Variants in IGSF11 observed in about 807,000 individuals in gnomAD.
IGSF11 encodes immunoglobulin superfamily member 11.
A neutral mutation model predicts 41.0 loss-of-function variants in IGSF11; 22 were observed. The observed-to-expected ratio is 0.54, with a 90% CI of 0.38 to 0.77. IGSF11 has a LOEUF of 0.77. Ranked by LOEUF, IGSF11 falls within the 30% of genes least tolerant of loss-of-function variation. IGSF11 has a pLI of 0.00. For synonymous variants in IGSF11, 219 were observed against 201.3 expected (o/e 1.09, Z -0.74); for missense variants, 444 against 530.8 (o/e 0.84, Z 1.61).
intron 4 of IGSF11, among the ~76,000 whole-genome samples, chr3:118,920,154 A>C (rs1277134544): frequency 1.4e-5 from 2 of 147,492 alleles, no homozygotes; most frequent in Non-Finnish European, 3.0e-5. Flanking sequence ...AGATATACCT[A>C]AGGCTAGATG....
chr3:118,912,675 A>G (rs1263925424), intron 4 of IGSF11, among the ~76,000 whole-genome samples: 1 of 152,224 alleles, frequency 6.6e-6, no homozygotes, highest in Non-Finnish European at 1.5e-5. Context: ...CAGGAAAGGA[A>G]TATCACCATG....
At chr3:119,073,492 G>A (rs904396606) in intron 1 of IGSF11, among the ~76,000 whole-genome samples, 1 of 152,206 alleles carries the variant, frequency 6.6e-6, no homozygotes, top group Admixed American at 6.5e-5. Flanking sequence ...GGCCGCATGG[G>A]AGCCCACCGT....
At chr3:119,064,506 C>T (rs1301469266) in intron 1 of IGSF11, among the ~76,000 whole-genome samples, 2 of 139,570 alleles carry the variant, frequency 1.4e-5, no homozygotes, top group African/African-American at 5.3e-5. Flanking sequence ...ATTGCCTTGG[C>T]TGCTCTTTTT....
At chr3:119,111,333 C>G (rs1019753485) in intron 1 of IGSF11, among the ~76,000 whole-genome samples, 2 of 152,156 alleles carry the variant, frequency 1.3e-5, no homozygotes, top group Non-Finnish European at 2.9e-5. Flanking sequence ...TGCTTCATTT[C>G]ATTCATTTCA....
intron 1 of IGSF11, among the ~76,000 whole-genome samples, chr3:119,001,944 G>C (rs1259951237): frequency 1.5e-5 from 2 of 136,848 alleles, no homozygotes; most frequent in South Asian, 5.0e-4. Flanking sequence ...GTGTGCATGT[G>C]TCTTTATAGC....
chr3:118,951,345 GC>G (rs993396206), intron 1 of IGSF11, among the ~76,000 whole-genome samples: 41 of 152,196 alleles, frequency 2.7e-4, no homozygotes, highest in African/African-American at 9.6e-4. Context: ...TAGTATTTTG[GC>G]TTTTAATCTA....
rs973903174 is a variant in IGSF11 at position 119,115,219 on chromosome 3, C to T, written c.-13-10014G>A. On this transcript the variant is annotated intron_variant, in intron 1 of 7. Transcript: ENST00000425327. ...TGCTGCAATAAACATGAAAGTGCAG[C>T]TATCTCTTTGATACATTGGGTTTCC... 2.6e-5 allele frequency among the ~76,000 whole-genome samples: 4 copies of T among 152,316 alleles called. No individual in the cohort carries two copies. The South Asian group carries it at 8.3e-4, about 32-fold the overall frequency.
rs374648442 is a variant in IGSF11 at position 119,126,860 on chromosome 3, C to T, written c.-14+18953G>A. On this transcript the variant is annotated intron_variant, in intron 1 of 7. Coordinates refer to the IGSF11 transcript ENST00000425327. ...AACAACAACAACAAAAAGGCATCTACAAAAACCCCATCCAAGGGTCAGCAG... is the reference window on the plus strand; with the variant it reads ...AACAACAACAACAAAAAGGCATCTATAAAAACCCCATCCAAGGGTCAGCAG... Among the ~76,000 whole-genome samples, 12 of 152,092 alleles carry T rather than the reference C, an allele frequency of 7.9e-5. No individual in the cohort carries two copies. In the South Asian group the frequency reaches 1.5e-3, roughly 18 times the overall value.
At chr3:119,008,233 G>T (rs1937646461) in intron 1 of IGSF11, among the ~76,000 whole-genome samples, 2 of 151,896 alleles carry the variant, frequency 1.3e-5, no homozygotes, top group Non-Finnish European at 2.9e-5. Flanking sequence ...AAAAGAAAAA[G>T]CCACATTTGT....
At chr3:119,126,429 C>T (rs1209513254) in intron 1 of IGSF11, among the ~76,000 whole-genome samples, 2 of 152,234 alleles carry the variant, frequency 1.3e-5, no homozygotes, top group Non-Finnish European at 2.9e-5. Context: ...GACCAGCAAA[C>T]TTAGCTGATC....
At chr3:119,123,616 G>C (rs1178265359) in intron 1 of IGSF11, among the ~76,000 whole-genome samples, 1 of 152,138 alleles carries the variant, frequency 6.6e-6, no homozygotes, top group East Asian at 1.9e-4. Flanking sequence ...TGGCCACAGG[G>C]CTGCTTCTGT....
At chr3:119,034,382 C>T (rs1940722221) in intron 1 of IGSF11, 149 bp downstream of exon 1, 5 of 777,496 alleles carry the variant, frequency 6.4e-6, no homozygotes, top group Non-Finnish European at 9.4e-6. Flanking sequence ...GCGCGAGCCT[C>T]GGCCGCAGCA....
chr3:118,936,160 C>T (rs1943260089), intron 1 of IGSF11, among the ~76,000 whole-genome samples: 1 of 151,918 alleles, frequency 6.6e-6, no homozygotes, highest in Non-Finnish European at 1.5e-5. Flanking sequence ...AGGATATTTC[C>T]ATGTTTGAAA....
At chr3:118,977,001 G>T (rs1268991425) in intron 1 of IGSF11, among the ~76,000 whole-genome samples, 1 of 152,092 alleles carries the variant, frequency 6.6e-6, no homozygotes, top group Non-Finnish European at 1.5e-5. Flanking sequence ...TCTAAGCCAG[G>T]GCATGTTCAT....
intron 1 of IGSF11, among the ~76,000 whole-genome samples, chr3:119,113,915 C>T (rs1003198176): frequency 6.6e-6 from 1 of 152,390 alleles, no homozygotes; most frequent in African/African-American, 2.4e-5. Flanking sequence ...AGCCTCTGCA[C>T]ACCCACAGGC....
chr3:119,088,973 G>A (rs1189278487), intron 1 of IGSF11, among the ~76,000 whole-genome samples: 1 of 152,046 alleles, frequency 6.6e-6, no homozygotes, highest in Non-Finnish European at 1.5e-5. Context: ...ACCATAAAAA[G>A]TCCTAGACCG....
chr3:119,050,706 T>C (rs560011428), intron 1 of IGSF11, among the ~76,000 whole-genome samples: 2 of 152,176 alleles, frequency 1.3e-5, no homozygotes, highest in South Asian at 2.1e-4. Flanking sequence ...CGTATGTTTA[T>C]TGCAGCATTA....
intron 1 of IGSF11, among the ~76,000 whole-genome samples, chr3:119,002,287 T>C (rs1225043034): frequency 2.5e-4 from 37 of 148,056 alleles, no homozygotes; most frequent in Non-Finnish European, 4.6e-4. Flanking sequence ...GAAGTGTCTG[T>C]TCATGTCCTT....
chr3:119,082,242 A>G (rs767804555), intron 1 of IGSF11, among the ~76,000 whole-genome samples: 55 of 152,324 alleles, frequency 3.6e-4, no homozygotes, highest in Non-Finnish European at 6.2e-4. Context: ...GTAAGAAAAA[A>G]TGGCAACATA....
Sources: gnomAD v4.1 joint callset for allele counts (sites outside exome capture counted in the v4.1 genomes callset) on GRCh38, gnomAD v4.1.1 for gene constraint, MANE v1.5 for transcripts, NCBI Gene and HGNC (gene_info 2026-07-23, HGNC 2026-07-21) for gene names.